Variants in FANCC observed in about 807,000 individuals in gnomAD.
FANCC encodes Fanconi anemia group C protein.
A neutral mutation model predicts 71.3 loss-of-function variants in FANCC; 55 were observed. That is an observed-to-expected ratio of 0.77 (90% confidence interval 0.62 to 0.97). FANCC has a LOEUF of 0.97. Ranked by LOEUF, FANCC falls within the 50% of genes least tolerant of loss-of-function variation. The pLI is 0.00. For missense variants in FANCC, 678 were observed against 670.9 expected (o/e 1.01, Z -0.12); for synonymous variants, 275 against 244.9 (o/e 1.12, Z -1.15).
chr9:95,192,209 G>C (rs1564739373), intron 4 of FANCC, among the ~76,000 whole-genome samples: 1 of 152,188 alleles, frequency 6.6e-6, no homozygotes, highest in Non-Finnish European at 1.5e-5. Context: ...ACGACAGGAG[G>C]AGCAGGGACA....
rs544221296 is a variant in FANCC at position 95,125,353 on chromosome 9, C to T, written c.897-168G>A. On this transcript the variant is annotated intron_variant, in intron 9 of 14. Coordinates refer to ENST00000289081, the MANE Select transcript of FANCC (RefSeq NM_000136.3). ...TTGTGTGAAAACAGGATAAATTTGT[C>T]GCTCCCTGTTATATTTTCTTTAAAA... Among the ~76,000 whole-genome samples, 10 of 152,306 alleles carry T rather than the reference C, an allele frequency of 6.6e-5. No homozygotes were observed. In the South Asian group the frequency reaches 1.2e-3, roughly 19 times the overall value.
chr9:95,114,017 T>G (rs1416172132), intron 12 of FANCC: 1 of 161,526 alleles, frequency 6.2e-6, no homozygotes, highest in Non-Finnish European at 1.4e-5. Flanking sequence ...AGCGCAGGAA[T>G]TTGAGGCTAC....
intron 1 of FANCC, among the ~76,000 whole-genome samples, chr9:95,299,204 G>A (rs1339612523): frequency 6.6e-6 from 1 of 152,170 alleles, no homozygotes; most frequent in African/African-American, 2.4e-5. Flanking sequence ...AAAATCTACT[G>A]AACTTTTAAC....
intron 1 of FANCC, among the ~76,000 whole-genome samples, chr9:95,267,717 G>T (rs912143833): frequency 4.6e-5 from 7 of 152,142 alleles, no homozygotes; most frequent in Non-Finnish European, 5.9e-5. Flanking sequence ...TATTTAAGGT[G>T]ATTTTTAAAA....
intron 4 of FANCC, among the ~76,000 whole-genome samples, chr9:95,173,277 G>A (rs368867312): frequency 2.0e-5 from 3 of 152,066 alleles, no homozygotes; most frequent in Admixed American, 6.6e-5. Context: ...GCACCGAGGC[G>A]CCCAAAGTGT....
intron 1 of FANCC, among the ~76,000 whole-genome samples, chr9:95,262,938 A>C (rs141234638): frequency 5.2e-4 from 79 of 152,286 alleles, no homozygotes; most frequent in African/African-American, 1.9e-3. Flanking sequence ...TTAATTCATG[A>C]GGGGAGACAG....
rs4647445 is a variant in FANCC at position 95,234,319 on chromosome 9, G to A, written c.345+6330C>T. The stretch of plus-strand genomic sequence containing the variant: ...ATTAATTTATTCAAAAATTTATGCC[G>A]TGCCAGGTACTGTTCAATTTGCTAA... On this transcript the variant is annotated intron_variant, in intron 4 of 14. Coordinates refer to ENST00000289081, the MANE Select transcript of FANCC (RefSeq NM_000136.3). Among the ~76,000 whole-genome samples, 104 of 152,190 alleles carry A rather than the reference G, an allele frequency of 6.8e-4. 3 individuals are homozygous for A. The South Asian group carries it at 0.02, about 30-fold the overall frequency.
intron 1 of FANCC, among the ~76,000 whole-genome samples, chr9:95,291,903 G>A (rs193122196): frequency 1.3e-4 from 18 of 134,016 alleles, no homozygotes; most frequent in African/African-American, 2.2e-4. Flanking sequence ...AGCCAAGATC[G>A]CGCCACTCCA....
intron 1 of FANCC, among the ~76,000 whole-genome samples, chr9:95,298,663 T>C (rs1486101417): frequency 6.6e-6 from 1 of 152,204 alleles, no homozygotes; most frequent in Non-Finnish European, 1.5e-5. Flanking sequence ...CTGAGATCAA[T>C]TAGCAGACCT....
chr9:95,168,226 T>G (rs1314609015), intron 6 of FANCC, among the ~76,000 whole-genome samples: 1 of 152,202 alleles, frequency 6.6e-6, no homozygotes. Flanking sequence ...GCAAGACAGA[T>G]ACCAGTCCCT....
intron 4 of FANCC, among the ~76,000 whole-genome samples, chr9:95,209,035 A>G (rs2135859476): frequency 6.6e-6 from 1 of 152,374 alleles, no homozygotes; most frequent in East Asian, 1.9e-4. Context: ...AGGTGAATGG[A>G]TAAGCTGTAA....
In FANCC at chr9:95,249,145, A is replaced by G. The variant is rs1462121358; in HGVS notation, c.147T>C (p.Tyr49=). The G allele has an allele frequency of 2.5e-6, 4 of 1,614,030 alleles. No homozygotes were observed. The highest frequency in any genetic ancestry group is 3.4e-6 in the Non-Finnish European group (4 of 1,179,940). ...TACTTACCATCTCTTTCAAGGCTTC[A>G]TACATCTTCCTTAGGAACTCCTGGA... ...AQFQEFLRKM[Y]EALKEMDSNT... is the part of the protein sequence containing the mutation. Residue 49 remains tyrosine, a synonymous_variant, in exon 2 of 15, where the codon TAT becomes TAC. Transcript: ENST00000289081.
At chr9:95,107,842 G>A (rs961685090) in intron 13 of FANCC, among the ~76,000 whole-genome samples, 3 of 152,248 alleles carry the variant, frequency 2.0e-5, no homozygotes, top group East Asian at 1.9e-4. Flanking sequence ...CTGTTCATAC[G>A]TGTTTAATGC....
At chr9:95,155,465 C>T (rs1223326984) in intron 6 of FANCC, among the ~76,000 whole-genome samples, 1 of 152,040 alleles carries the variant, frequency 6.6e-6, no homozygotes, top group Non-Finnish European at 1.5e-5. Flanking sequence ...AACTAATCAT[C>T]CTTAATCAGT....
chr9:95,117,723 AT>A (rs33935721), intron 10 of FANCC, among the ~76,000 whole-genome samples: 1,683 of 136,754 alleles, frequency 0.012, 19 homozygotes, highest in African/African-American at 0.038. Flanking sequence ...GTATTTCAGC[AT>A]TTTTTTTTTT....
At chr9:95,208,324 T>C (rs1465663676) in intron 4 of FANCC, among the ~76,000 whole-genome samples, 1 of 151,936 alleles carries the variant, frequency 6.6e-6, no homozygotes, top group Non-Finnish European at 1.5e-5. Flanking sequence ...CTTGAACTCC[T>C]GACCTCAGGT....
chr9:95,157,157 C>T (rs1220757049), intron 6 of FANCC, among the ~76,000 whole-genome samples: 2 of 151,968 alleles, frequency 1.3e-5, no homozygotes, highest in Non-Finnish European at 2.9e-5. Context: ...GGCATCTATG[C>T]ATTTATTTTT....
chr9:95,271,491 A>T (rs1353776651), intron 1 of FANCC, among the ~76,000 whole-genome samples: 1 of 152,142 alleles, frequency 6.6e-6, no homozygotes, highest in Non-Finnish European at 1.5e-5. Flanking sequence ...CAAGCCCAGG[A>T]ATGCCATGCT....
intron 4 of FANCC, among the ~76,000 whole-genome samples, chr9:95,191,279 G>GGCCCAGCCCA (rs546493500): frequency 7.3e-5 from 11 of 150,122 alleles, no homozygotes; most frequent in African/African-American, 1.2e-4. Flanking sequence ...AACCTCACAA[G>GGCCCAGCCCA]GCCCAGCCCA....
Sources: allele counts gnomAD v4.1 joint callset (sites outside exome capture counted in the v4.1 genomes callset), GRCh38; gene constraint gnomAD v4.1.1; transcripts MANE v1.5; gene names NCBI Gene and HGNC (gene_info 2026-07-23, HGNC 2026-07-21).